Variants in LHPP observed in about 807,000 individuals in gnomAD.
LHPP encodes hLHPP.
LHPP carries 24 observed loss-of-function variants against 30.3 expected under a neutral mutation model. The ratio of observed to expected loss-of-function variants is 0.79; its 90% CI spans 0.57 to 1.11. The LOEUF (loss-of-function observed/expected upper bound fraction) is 1.11, where lower values mean the gene tolerates loss of function less well. Ranked by LOEUF, LHPP falls within the 50% of genes most tolerant of loss-of-function variation. LHPP has a pLI of 0.00. For missense variants in LHPP, 356 were observed against 367.2 expected (o/e 0.97, Z 0.25); for synonymous variants, 150 against 157.1 (o/e 0.95, Z 0.34).
intron 3 of LHPP, among the ~76,000 whole-genome samples, chr10:124,493,164 G>A (rs184014299): frequency 1.9e-4 from 29 of 151,316 alleles, no homozygotes; most frequent in African/African-American, 5.3e-4. Context: ...TTGTAATACC[G>A]CAGCAAATGT....
intron 1 of LHPP, among the ~76,000 whole-genome samples, chr10:124,468,795 C>T (rs1041399549): frequency 6.6e-6 from 1 of 152,218 alleles, no homozygotes; most frequent in Non-Finnish European, 1.5e-5. Flanking sequence ...CCCAGTGCCT[C>T]TGGGGCCAGA....
intron 6 of LHPP, among the ~76,000 whole-genome samples, chr10:124,527,916 G>A (rs902791974): frequency 5.9e-5 from 9 of 152,288 alleles, no homozygotes; most frequent in African/African-American, 1.9e-4. Flanking sequence ...AAATAGCTGG[G>A]AAACAGGTTT....
chr10:124,603,465 G>T (rs965894733), intron 6 of LHPP, among the ~76,000 whole-genome samples: 1 of 152,234 alleles, frequency 6.6e-6, no homozygotes, highest in East Asian at 1.9e-4. Flanking sequence ...CCAGCCAGGG[G>T]AAGTGTGTCC....
chr10:124,587,120 C>G (rs962050013), intron 6 of LHPP, among the ~76,000 whole-genome samples: 2 of 150,528 alleles, frequency 1.3e-5, no homozygotes, highest in Non-Finnish European at 2.9e-5. Flanking sequence ...AAACCTCCGT[C>G]TCCCGGGTTC....
chr10:124,596,686 C>G lies in LHPP; in HGVS notation c.717-16578C>G, dbSNP rs1948947066. ...AGCCTGGCCTATGAGCAGGGGGACACCATGAAGCTGGGTGGACGGGTGGGG... is the reference window on the plus strand; with the variant it reads ...AGCCTGGCCTATGAGCAGGGGGACAGCATGAAGCTGGGTGGACGGGTGGGG... On this transcript the variant is annotated intron_variant, in intron 6 of 6. Transcript: ENST00000368842. The surrounding 1 kb of genome is among the most constrained non-coding windows in gnomAD (Gnocchi z 4.6). Among the ~76,000 whole-genome samples, 1 of 152,176 alleles carries G rather than the reference C, an allele frequency of 6.6e-6. No homozygotes were observed. The highest frequency in any genetic ancestry group is 6.5e-5 in the Admixed American group (1 of 15,284).
At chr10:124,522,528 C>T (rs1008370730) in intron 6 of LHPP, among the ~76,000 whole-genome samples, 1 of 152,256 alleles carries the variant, frequency 6.6e-6, no homozygotes, top group Non-Finnish European at 1.5e-5. Flanking sequence ...GCCAAGGCCA[C>T]CTGGCAAGGT....
intron 1 of LHPP, 51 bp downstream of exon 1, chr10:124,462,038 C>G (rs61861917): frequency 2.5e-5 from 30 of 1,190,488 alleles, no homozygotes; most frequent in Non-Finnish European, 3.0e-5. Flanking sequence ...AAGCTCAGCC[C>G]GCTCCCTGGC....
In LHPP at chr10:124,541,342, C is replaced by T. The variant is rs990661441; in HGVS notation, c.716+24071C>T. 7.2e-5 allele frequency among the ~76,000 whole-genome samples: 11 copies of T among 152,180 alleles called. No individual in the cohort carries two copies. The highest frequency in any genetic ancestry group is 1.4e-4 in the African/African-American group (6 of 41,440). ...GACTTTATCGAGGGCTGCTTTGTGG[C>T]GGGCGTTCATTGTGGAAAGAGCCCA... On this transcript the variant is annotated intron_variant, in intron 6 of 6. Coordinates refer to ENST00000368842, the MANE Select transcript of LHPP (RefSeq NM_022126.4). The surrounding 1 kb of genome is among the most constrained non-coding windows in gnomAD (Gnocchi z 4.2).
rs553171730 is a variant in LHPP at position 124,525,156 on chromosome 10, G to A, written c.716+7885G>A. On this transcript the variant is annotated intron_variant, in intron 6 of 6. Transcript: ENST00000368842. ...CTCTGACCTTTATCCAAGTGGAATCGCACACTGTACCGTTGAGCTGTGGCT... is the reference window on the plus strand; with the variant it reads ...CTCTGACCTTTATCCAAGTGGAATCACACACTGTACCGTTGAGCTGTGGCT... Among the ~76,000 whole-genome samples, 15 of 152,256 alleles carry A rather than the reference G, an allele frequency of 9.9e-5. No homozygotes were observed. In the South Asian group the frequency reaches 2.1e-3, roughly 21 times the overall value.
At chr10:124,572,495 G>C (rs12358685) in intron 6 of LHPP, among the ~76,000 whole-genome samples, 25,586 of 151,960 alleles carry the variant, frequency 0.17, 2,690 homozygotes, top group East Asian at 0.34. Flanking sequence ...GCTGGGCGTG[G>C]TGGTGGGTGC....
At chr10:124,570,393 G>T (rs1948564887) in intron 6 of LHPP, among the ~76,000 whole-genome samples, 1 of 152,246 alleles carries the variant, frequency 6.6e-6, no homozygotes, top group Non-Finnish European at 1.5e-5. Flanking sequence ...GAATGAAGGG[G>T]ACAGTCGGTG....
intron 6 of LHPP, among the ~76,000 whole-genome samples, chr10:124,580,631 T>A (rs1445607986): frequency 6.6e-6 from 1 of 152,202 alleles, no homozygotes; most frequent in East Asian, 1.9e-4. Flanking sequence ...CATGATACAA[T>A]TTACCCATCT....
chr10:124,532,751 T>C (rs746042118), intron 6 of LHPP, among the ~76,000 whole-genome samples: 25 of 152,204 alleles, frequency 1.6e-4, no homozygotes, highest in Non-Finnish European at 2.8e-4. Context: ...CCAGGGAAGC[T>C]GCAGACTCAC....
chr10:124,498,017 T>C lies in LHPP; in HGVS notation c.532-19T>C. 2 of 1,599,968 alleles carry C rather than the reference T, an allele frequency of 1.3e-6. No homozygotes were observed. Among genetic ancestry groups the C allele is most frequent in the East Asian group, 4.5e-5 (2 of 44,850 alleles). The stretch of plus-strand genomic sequence containing the variant: ...TCCTTGATCCCAAACTTATGCCATG[T>C]CCCTCTCTCTTTTCCCAGTATGCCT... On this transcript the variant is annotated intron_variant, in intron 4 of 6. Transcript: ENST00000368842.
intron 1 of LHPP, among the ~76,000 whole-genome samples, chr10:124,472,768 G>A (rs536491695): frequency 6.6e-6 from 1 of 152,256 alleles, no homozygotes; most frequent in Non-Finnish European, 1.5e-5. Flanking sequence ...ATGTTGACCA[G>A]GCTGGTTTTG....
intron 6 of LHPP, among the ~76,000 whole-genome samples, chr10:124,538,094 C>T (rs557253958): frequency 1.0e-3 from 155 of 152,234 alleles, no homozygotes; most frequent in African/African-American, 3.6e-3. Context: ...GCCCGCCATG[C>T]GGGGTCACCA....
At chr10:124,583,671 G>A (rs758571013) in intron 6 of LHPP, among the ~76,000 whole-genome samples, 3 of 152,242 alleles carry the variant, frequency 2.0e-5, no homozygotes, top group South Asian at 2.1e-4. Flanking sequence ...TAGGGGTGCC[G>A]TATACTTCTA....
intron 6 of LHPP, among the ~76,000 whole-genome samples, chr10:124,598,609 G>C (rs1475629258): frequency 6.7e-6 from 1 of 149,890 alleles, no homozygotes; most frequent in Non-Finnish European, 1.5e-5. Context: ...GGAATTGCTG[G>C]GAGCGGTCCA....
Position 124,480,554 on chromosome 10 carries a change from G to A in LHPP, c.126-3585G>A, listed in dbSNP as rs574385126. 5.9e-5 allele frequency among the ~76,000 whole-genome samples: 9 copies of A among 152,300 alleles called. No homozygotes were observed. In the East Asian group the frequency reaches 1.5e-3, roughly 26 times the overall value. On this transcript the variant is annotated intron_variant, in intron 1 of 6. Coordinates refer to ENST00000368842, the MANE Select transcript of LHPP (RefSeq NM_022126.4). ...AATAATTAGTCCCAGGGGACCCCCT[G>A]CACTTCTTCACTCAACTGCTCCATT...
Sources: allele counts gnomAD v4.1 joint callset (sites outside exome capture counted in the v4.1 genomes callset), GRCh38; gene constraint gnomAD v4.1.1; non-coding constraint Gnocchi (gnomAD v3.1); transcripts MANE v1.5; gene names NCBI Gene and HGNC (gene_info 2026-07-23, HGNC 2026-07-21).